Variants in NRXN1 observed in about 807,000 individuals in gnomAD.
NRXN1 encodes neurexin-1.
Under a neutral mutation model 150.9 loss-of-function variants are expected in NRXN1, and 39 were observed. The ratio of observed to expected loss-of-function variants is 0.26; its 90% CI spans 0.20 to 0.34. The LOEUF (loss-of-function observed/expected upper bound fraction) is 0.34, where lower values mean the gene tolerates loss of function less well. NRXN1 is among the 10% of genes least tolerant of loss of function. The probability of loss-of-function intolerance (pLI) is 1.00; values close to 1 mark genes in which losing one functional copy is unlikely to be tolerated. For missense variants in NRXN1, 1,815 were observed against 1,949.9 expected (o/e 0.93, Z 1.30); for synonymous variants, 924 against 757.0 (o/e 1.22, Z -3.62).
chr2:50,971,425 A>C (rs1694979036), intron 2 of NRXN1, among the ~76,000 whole-genome samples: 1 of 152,010 alleles, frequency 6.6e-6, no homozygotes, highest in Non-Finnish European at 1.5e-5. Flanking sequence ...TCTACTAAAA[A>C]TACAAAAATT....
intron 8 of NRXN1, among the ~76,000 whole-genome samples, chr2:50,603,736 C>T (rs1343788322): frequency 6.6e-6 from 1 of 152,004 alleles, no homozygotes; most frequent in Non-Finnish European, 1.5e-5. Flanking sequence ...AGAGAGGGAC[C>T]TTAAGGTACA....
At chr2:50,206,605 A>G (rs2062599927) in intron 18 of NRXN1, among the ~76,000 whole-genome samples, 1 of 151,926 alleles carries the variant, frequency 6.6e-6, no homozygotes, top group Admixed American at 6.6e-5. Flanking sequence ...CAGCACATTA[A>G]AAATTACCTG....
chr2:50,825,049 T>G (rs539752328), intron 5 of NRXN1, among the ~76,000 whole-genome samples: 1 of 152,298 alleles, frequency 6.6e-6, no homozygotes, highest in African/African-American at 2.4e-5. Context: ...TGCCTTTATA[T>G]AACTTGCCAC....
At chr2:50,882,937 T>C (rs1238231309) in intron 5 of NRXN1, among the ~76,000 whole-genome samples, 1 of 151,854 alleles carries the variant, frequency 6.6e-6, no homozygotes, top group African/African-American at 2.4e-5. Context: ...CATATATATT[T>C]TTATAACATC....
intron 8 of NRXN1, among the ~76,000 whole-genome samples, chr2:50,592,421 T>C (rs1674429229): frequency 6.6e-6 from 1 of 152,062 alleles, no homozygotes; most frequent in South Asian, 2.1e-4. Context: ...TAGTAGGCCA[T>C]GTTTCTTTAT....
In NRXN1 at chr2:51,026,051, C is replaced by A. The variant is rs74764446; in HGVS notation, c.772+1451G>T. ...ACTCTCCTTGCTGTTTAAACAATTA[C>A]AAATCTTATCAAGTCTTCATTTCTC... On this transcript the variant is annotated intron_variant, in intron 2 of 22. Coordinates refer to ENST00000401669, the MANE Select transcript of NRXN1 (RefSeq NM_001330078.2). 6.1e-3 allele frequency among the ~76,000 whole-genome samples: 924 copies of A among 152,238 alleles called. 13 individuals carry two copies. Among genetic ancestry groups the A allele is most frequent in the African/African-American group, 0.021 (870 of 41,542 alleles).
intron 5 of NRXN1, among the ~76,000 whole-genome samples, chr2:50,884,086 AT>A (rs933923571): frequency 1.1e-4 from 17 of 151,962 alleles, no homozygotes; most frequent in Middle Eastern, 3.4e-3. Flanking sequence ...GCACAAAAAA[AT>A]GTTACTTCAA....
intron 8 of NRXN1, among the ~76,000 whole-genome samples, chr2:50,583,036 T>C (rs1353352812): frequency 6.6e-6 from 1 of 151,870 alleles, no homozygotes; most frequent in Admixed American, 6.6e-5. Context: ...TTCAATACTT[T>C]CACCTCCCAC....
At chr2:50,657,624 G>T in intron 5 of NRXN1, among the ~76,000 whole-genome samples, 1 of 152,014 alleles carries the variant, frequency 6.6e-6, no homozygotes, top group East Asian at 1.9e-4. Flanking sequence ...CTAGAGAAGT[G>T]GTGGGTGTTC....
chr2:50,716,388 T>C (rs1414652408), intron 5 of NRXN1, among the ~76,000 whole-genome samples: 1 of 152,090 alleles, frequency 6.6e-6, no homozygotes, highest in Admixed American at 6.6e-5. Context: ...CTGTCCATTA[T>C]TGACTAAATT....
intron 18 of NRXN1, among the ~76,000 whole-genome samples, chr2:50,155,357 T>C (rs563927218): frequency 6.6e-6 from 1 of 151,434 alleles, no homozygotes; most frequent in African/African-American, 2.4e-5. Context: ...ATTATTTTGC[T>C]TGGGGCCCTC....
chr2:50,276,308 T>C (rs1336346444), intron 17 of NRXN1, among the ~76,000 whole-genome samples: 1 of 152,152 alleles, frequency 6.6e-6, no homozygotes, highest in African/African-American at 2.4e-5. Context: ...TTGCTGTCTC[T>C]TTGGACCAAT....
intron 21 of NRXN1, among the ~76,000 whole-genome samples, chr2:50,044,090 C>T (rs1417491367): frequency 6.6e-6 from 1 of 152,110 alleles, no homozygotes; most frequent in Non-Finnish European, 1.5e-5. Flanking sequence ...TTTATTTGTG[C>T]AAGTTTATTT....
chr2:50,812,932 C>G (rs780994854), intron 5 of NRXN1, among the ~76,000 whole-genome samples: 7 of 151,694 alleles, frequency 4.6e-5, no homozygotes, highest in Non-Finnish European at 8.8e-5. Flanking sequence ...GTCGCAATAA[C>G]ATATAGTGGT....
chr2:50,652,841 A>C (rs1050074066), intron 5 of NRXN1, among the ~76,000 whole-genome samples: 7 of 152,024 alleles, frequency 4.6e-5, no homozygotes, highest in African/African-American at 1.7e-4. Context: ...TATATTTACT[A>C]ACACTGGTTA....
chr2:50,991,199 G>A (rs1488697380), intron 2 of NRXN1, among the ~76,000 whole-genome samples: 1 of 151,980 alleles, frequency 6.6e-6, no homozygotes. Flanking sequence ...CTGAAATGGA[G>A]AAAGCAGTTC....
At chr2:50,248,206 G>A (rs1412277918) in intron 17 of NRXN1, among the ~76,000 whole-genome samples, 1 of 152,028 alleles carries the variant, frequency 6.6e-6, no homozygotes, top group Non-Finnish European at 1.5e-5. Context: ...TTAGAGATAA[G>A]GTCTCACTAT....
At chr2:50,508,132 A>G (rs998831302) in intron 12 of NRXN1, among the ~76,000 whole-genome samples, 7 of 152,164 alleles carry the variant, frequency 4.6e-5, no homozygotes, top group African/African-American at 1.7e-4. Flanking sequence ...TTTCTCTCTT[A>G]TGGTGCTACT....
intron 18 of NRXN1, among the ~76,000 whole-genome samples, chr2:50,130,959 TG>T (rs988357700): frequency 2.6e-5 from 4 of 152,218 alleles, no homozygotes; most frequent in African/African-American, 9.6e-5. Flanking sequence ...AAAATATTTT[TG>T]CATGAACATG....
Sources: allele counts gnomAD v4.1 joint callset (sites outside exome capture counted in the v4.1 genomes callset), GRCh38; gene constraint gnomAD v4.1.1; transcripts MANE v1.5; gene names NCBI Gene and HGNC (gene_info 2026-07-23, HGNC 2026-07-21).